The following FRMD3 variants were observed in gnomAD, a reference collection of about 807,000 sequenced individuals.
The protein encoded by FRMD3 is FERM domain-containing protein 3.
FRMD3 carries 33 observed loss-of-function variants against 70.2 expected under a neutral mutation model. That is an observed-to-expected ratio of 0.47 (90% CI 0.36 to 0.63). The LOEUF is 0.63. Among genes scored for constraint, FRMD3 ranks in the 20% least tolerant of loss-of-function variants. The probability of loss-of-function intolerance (pLI) is 0.00; values close to 1 mark genes in which losing one functional copy is unlikely to be tolerated. For synonymous variants in FRMD3, 279 were observed against 255.9 expected (o/e 1.09, Z -0.86); for missense variants, 632 against 711.4 (o/e 0.89, Z 1.27).
intron 1 of FRMD3, among the ~76,000 whole-genome samples, chr9:83,522,371 G>A (rs1022136128): frequency 6.6e-6 from 1 of 152,100 alleles, no homozygotes; most frequent in Non-Finnish European, 1.5e-5. Context: ...CAGAACAGGG[G>A]CGTAGAGAAG....
chr9:83,534,696 G>A (rs1017706934), intron 1 of FRMD3, among the ~76,000 whole-genome samples: 3 of 152,186 alleles, frequency 2.0e-5, no homozygotes, highest in Non-Finnish European at 2.9e-5. Flanking sequence ...AGGACACAGT[G>A]TATCAAACCT....
intron 12 of FRMD3, among the ~76,000 whole-genome samples, chr9:83,291,612 C>T (rs1834422252): frequency 6.6e-6 from 1 of 151,986 alleles, no homozygotes; most frequent in Non-Finnish European, 1.5e-5. Context: ...TCTTTGACTA[C>T]TTTCTCTTCT....
chr9:83,412,867 C>T (rs1826319950), intron 1 of FRMD3, among the ~76,000 whole-genome samples: 1 of 152,082 alleles, frequency 6.6e-6, no homozygotes, highest in African/African-American at 2.4e-5. Flanking sequence ...TGGTGGCACA[C>T]ACCTGTAATC....
At chr9:83,513,587 G>A (rs1829387201) in intron 1 of FRMD3, among the ~76,000 whole-genome samples, 1 of 152,148 alleles carries the variant, frequency 6.6e-6, no homozygotes, top group South Asian at 2.1e-4. Flanking sequence ...TTCATACAAA[G>A]AGAAAACATT....
the FRMD3 span, among the ~76,000 whole-genome samples, chr9:83,562,452 T>C: frequency 6.6e-6 from 1 of 152,186 alleles, no homozygotes; most frequent in Non-Finnish European, 1.5e-5. Flanking sequence ...CACTGGGAGA[T>C]GATCTGAAAG....
chr9:83,275,587 C>T (rs994070647), intron 13 of FRMD3, among the ~76,000 whole-genome samples: 1 of 152,158 alleles, frequency 6.6e-6, no homozygotes, highest in Non-Finnish European at 1.5e-5. Flanking sequence ...GACCCCCAAC[C>T]TCTAAGGATC....
chr9:83,485,582 AC>A (rs1227025964), intron 1 of FRMD3, among the ~76,000 whole-genome samples: 3 of 152,200 alleles, frequency 2.0e-5, no homozygotes, highest in Non-Finnish European at 4.4e-5. Context: ...TTCTGGTACA[AC>A]CTGCACTGAT....
chr9:83,494,915 A>G (rs1411761199), intron 1 of FRMD3, among the ~76,000 whole-genome samples: 1 of 152,090 alleles, frequency 6.6e-6, no homozygotes, highest in African/African-American at 2.4e-5. Flanking sequence ...ATATCATTGT[A>G]TACACAGTTG....
chr9:83,252,316 A>C (rs1273499621), intron 13 of FRMD3, among the ~76,000 whole-genome samples: 1 of 152,324 alleles, frequency 6.6e-6, no homozygotes, highest in East Asian at 1.9e-4. Context: ...TAGAAAAGCA[A>C]ATGCTGAGGG....
intron 1 of FRMD3, among the ~76,000 whole-genome samples, chr9:83,468,247 T>C (rs1828182145): frequency 1.3e-5 from 2 of 152,248 alleles, no homozygotes; most frequent in African/African-American, 4.8e-5. Context: ...ATTCCTTTCT[T>C]ACAAACTTTA....
chr9:83,281,930 G>C (rs1050908402), intron 13 of FRMD3, among the ~76,000 whole-genome samples: 1 of 152,186 alleles, frequency 6.6e-6, no homozygotes, highest in African/African-American at 2.4e-5. Context: ...TTGAACCACA[G>C]AGGTCACCCA....
intron 13 of FRMD3, among the ~76,000 whole-genome samples, chr9:83,253,531 C>T (rs1415167410): frequency 6.6e-6 from 1 of 152,104 alleles, no homozygotes; most frequent in Non-Finnish European, 1.5e-5. Flanking sequence ...TCGTCACTGG[C>T]CATCAGAGAA....
chr9:83,359,563 T>TA (rs1824516956), intron 3 of FRMD3, among the ~76,000 whole-genome samples: 1 of 152,168 alleles, frequency 6.6e-6, no homozygotes, highest in Admixed American at 6.5e-5. Context: ...TCTCAACGAC[T>TA]CCACCCAGTT....
At chr9:83,353,625 A>G (rs1462432508) in intron 3 of FRMD3, among the ~76,000 whole-genome samples, 1 of 152,208 alleles carries the variant, frequency 6.6e-6, no homozygotes, top group Non-Finnish European at 1.5e-5. Context: ...CTGCCATCAC[A>G]TTCATCCCTT....
chr9:83,387,055 A>G (rs1198637222), intron 2 of FRMD3, among the ~76,000 whole-genome samples: 4 of 152,094 alleles, frequency 2.6e-5, no homozygotes, highest in African/African-American at 9.7e-5. Flanking sequence ...TCTCCACTAT[A>G]GAGTTATTAT....
At chr9:83,444,660 T>G (rs561255490) in intron 1 of FRMD3, among the ~76,000 whole-genome samples, 2 of 152,300 alleles carry the variant, frequency 1.3e-5, no homozygotes, top group South Asian at 2.1e-4. Flanking sequence ...CTAGAGGTCC[T>G]ATGCCCTCAG....
At chr9:83,490,810 ACAC>A (rs2131496317) in intron 1 of FRMD3, among the ~76,000 whole-genome samples, 1 of 151,134 alleles carries the variant, frequency 6.6e-6, no homozygotes, top group African/African-American at 2.4e-5. Flanking sequence ...ACACACACAC[ACAC>A]ACACACACAC....
intron 6 of FRMD3, among the ~76,000 whole-genome samples, chr9:83,320,842 G>C (rs1835774261): frequency 6.6e-6 from 1 of 152,050 alleles, no homozygotes; most frequent in Admixed American, 6.5e-5. Flanking sequence ...TGTTGTTGCT[G>C]AGAGATTTTT....
chr9:83,293,083 C>T (rs897634915), intron 12 of FRMD3, among the ~76,000 whole-genome samples: 1 of 152,152 alleles, frequency 6.6e-6, no homozygotes, highest in African/African-American at 2.4e-5. Context: ...GGAGTGATCT[C>T]CCAAGGGAGG....
Sources: gnomAD v4.1 joint callset for allele counts (sites outside exome capture counted in the v4.1 genomes callset) on GRCh38, gnomAD v4.1.1 for gene constraint, MANE v1.5 for transcripts, NCBI Gene and HGNC (gene_info 2026-07-23, HGNC 2026-07-21) for gene names.